The following ERC1 variants were observed in gnomAD, a reference collection of about 807,000 sequenced individuals.
ERC1 encodes ELKS/RAB6-interacting/CAST family member 1.
A neutral mutation model predicts 132.0 loss-of-function variants in ERC1; 56 were observed. That is an observed-to-expected ratio of 0.42 (90% CI 0.34 to 0.53). The LOEUF (loss-of-function observed/expected upper bound fraction) is 0.53, where lower values mean the gene tolerates loss of function less well. Among genes scored for constraint, ERC1 ranks in the 20% least tolerant of loss-of-function variants. ERC1 has a pLI of 0.03. For synonymous variants in ERC1, 478 were observed against 476.1 expected, an observed-to-expected ratio of 1.00 and a Z score of -0.05; for missense variants, 1,202 against 1,349.9, an observed-to-expected ratio of 0.89 and a Z score of 1.72.
At chr12:1,358,894 A>G (rs1382991637) in intron 15 of ERC1, among the ~76,000 whole-genome samples, 1 of 152,246 alleles carries the variant, frequency 6.6e-6, no homozygotes, top group Non-Finnish European at 1.5e-5. Context: ...TAAATCATTT[A>G]GAATTTCCAT....
chr12:1,429,617 G>C (rs1204465864), intron 17 of ERC1, among the ~76,000 whole-genome samples: 2 of 152,164 alleles, frequency 1.3e-5, no homozygotes, highest in Non-Finnish European at 2.9e-5. Context: ...CATGTTTCAA[G>C]ACATTGAAAC....
chr12:1,400,718 T>C (rs1591789213), intron 16 of ERC1, among the ~76,000 whole-genome samples: 1 of 152,210 alleles, frequency 6.6e-6, no homozygotes, highest in African/African-American at 2.4e-5. Context: ...TTGGTACCCT[T>C]ACTGGAAATC....
At chr12:1,029,770 C>T (rs1331522963) in intron 2 of ERC1, among the ~76,000 whole-genome samples, 2 of 113,166 alleles carry the variant, frequency 1.8e-5, no homozygotes, top group South Asian at 2.9e-4. Flanking sequence ...TTTTTTGAGA[C>T]GGAGTCTTGC....
intron 18 of ERC1, among the ~76,000 whole-genome samples, chr12:1,478,798 AAGAG>A (rs916577984): frequency 7.9e-5 from 12 of 151,022 alleles, no homozygotes; most frequent in East Asian, 1.9e-4. Context: ...CAATAAAAAA[AAGAG>A]AGAGAGAGAG....
chr12:1,057,811 C>G (rs1973278248), intron 2 of ERC1, among the ~76,000 whole-genome samples: 1 of 151,902 alleles, frequency 6.6e-6, no homozygotes, highest in South Asian at 2.1e-4. Context: ...TGCCAGGATG[C>G]TCTCGATATT....
chr12:1,383,060 T>G (rs2088879265), intron 16 of ERC1, among the ~76,000 whole-genome samples: 1 of 152,220 alleles, frequency 6.6e-6, no homozygotes, highest in African/African-American at 2.4e-5. Flanking sequence ...TTGATAAGAC[T>G]CTTCCCTTCA....
At chr12:1,362,116 A>C (rs2086180972) in intron 15 of ERC1, among the ~76,000 whole-genome samples, 1 of 152,190 alleles carries the variant, frequency 6.6e-6, no homozygotes, top group South Asian at 2.1e-4. Context: ...AATTCCTATA[A>C]ATATCTCATT....
intron 8 of ERC1, 27 bp from the exon 9 acceptor site, chr12:1,180,513 T>C (rs752242902): frequency 6.2e-7 from 1 of 1,608,770 alleles, no homozygotes; most frequent in Non-Finnish European, 8.5e-7. Context: ...GTCCTCTCTT[T>C]TCCCTTAAAT....
At chr12:1,082,473 G>GAA (rs139831682) in intron 2 of ERC1, among the ~76,000 whole-genome samples, 49 of 122,068 alleles carry the variant, frequency 4.0e-4, no homozygotes, top group South Asian at 1.4e-3. Context: ...ATTTTTTGAT[G>GAA]AAAAAAAAAA....
At chr12:999,182 T>A (rs1040830063) in intron 1 of ERC1, among the ~76,000 whole-genome samples, 1 of 152,140 alleles carries the variant, frequency 6.6e-6, no homozygotes. Context: ...TTTGAGTCTT[T>A]CTGTGCTCAT....
intron 16 of ERC1, among the ~76,000 whole-genome samples, chr12:1,402,245 A>G (rs1220453620): frequency 6.6e-6 from 1 of 152,212 alleles, no homozygotes; most frequent in Middle Eastern, 3.2e-3. Context: ...ATTGAAAATG[A>G]AAAGGCTGGG....
At chr12:994,893 G>A (rs903144194) in intron 1 of ERC1, among the ~76,000 whole-genome samples, 10 of 152,076 alleles carry the variant, frequency 6.6e-5, no homozygotes, top group African/African-American at 1.2e-4. Context: ...TCAGGGGTTC[G>A]AGACCAGCCT....
intron 7 of ERC1, among the ~76,000 whole-genome samples, chr12:1,137,665 C>T (rs1472353083): frequency 6.6e-6 from 1 of 150,920 alleles, no homozygotes; most frequent in East Asian, 2.0e-4. Context: ...GCCTGGCCAA[C>T]ATGGCGAAAC....
At chr12:1,433,947 C>G (rs1232622966) in intron 17 of ERC1, among the ~76,000 whole-genome samples, 1 of 149,214 alleles carries the variant, frequency 6.7e-6, no homozygotes, top group African/African-American at 2.5e-5. Flanking sequence ...CCACTGCACT[C>G]CAGCCTAGGC....
At chr12:1,003,264 C>T (rs1654884079) in intron 1 of ERC1, among the ~76,000 whole-genome samples, 1 of 151,934 alleles carries the variant, frequency 6.6e-6, no homozygotes, top group Admixed American at 6.6e-5. Flanking sequence ...TGTTGTATTT[C>T]ATATATCTCA....
chr12:1,009,926 C>G (rs1425381197), intron 1 of ERC1, among the ~76,000 whole-genome samples: 1 of 152,132 alleles, frequency 6.6e-6, no homozygotes, highest in Non-Finnish European at 1.5e-5. Context: ...CAATACAAAT[C>G]TCTTCTGGAA....
At chr12:1,400,916 A>ATTATTATTATTTTTTTTTTTTTTTTTTT (rs2090981093) in intron 16 of ERC1, among the ~76,000 whole-genome samples, 1 of 15,040 alleles carries the variant, frequency 6.6e-5, no homozygotes, top group African/African-American at 3.1e-4. Context: ...CTATTTTTGT[A>ATTATTATTATTTTTTTTTTTTTTTTTTT]TTTTTTTTTT....
chr12:1,321,862 T>C (rs1237434415), intron 15 of ERC1, among the ~76,000 whole-genome samples: 1 of 152,238 alleles, frequency 6.6e-6, no homozygotes, highest in Non-Finnish European at 1.5e-5. Flanking sequence ...GTTCATAGCA[T>C]ATTCCTTGAA....
chr12:996,445 A>G (rs1960926777), intron 1 of ERC1, among the ~76,000 whole-genome samples: 1 of 151,500 alleles, frequency 6.6e-6, no homozygotes, highest in South Asian at 2.1e-4. Context: ...AGCCAGGCAC[A>G]GTGTCACATG....
Sources: allele counts gnomAD v4.1 joint callset (sites outside exome capture counted in the v4.1 genomes callset), GRCh38; gene constraint gnomAD v4.1.1; transcripts MANE v1.5; gene names NCBI Gene and HGNC (gene_info 2026-07-23, HGNC 2026-07-21).